SNX29: variants seen among roughly 807,000 people sequenced by gnomAD.
SNX29 encodes sorting nexin-29.
Under a neutral mutation model 102.1 loss-of-function variants are expected in SNX29, and 78 were observed. The ratio of observed to expected loss-of-function variants is 0.76; its 90% CI spans 0.64 to 0.92. The LOEUF is 0.92. Among genes scored for constraint, SNX29 ranks in the 40% least tolerant of loss-of-function variants. SNX29 has a pLI of 0.00. For synonymous variants in SNX29, 580 were observed against 414.5 expected (o/e 1.40, Z -4.85); for missense variants, 1,280 against 1,061.7 (o/e 1.21, Z -2.86).
intron 15 of SNX29, among the ~76,000 whole-genome samples, chr16:12,308,580 G>A (rs752763569): frequency 1.3e-5 from 2 of 152,088 alleles, no homozygotes; most frequent in African/African-American, 4.8e-5. Context: ...AGTGCCTTCC[G>A]TGTGCTAGTC....
chr16:12,423,053 C>T (rs2151594600), intron 18 of SNX29, among the ~76,000 whole-genome samples: 1 of 152,266 alleles, frequency 6.6e-6, no homozygotes, highest in South Asian at 2.1e-4. Flanking sequence ...ACACAAAAAC[C>T]CAGCCTCATA....
intron 19 of SNX29, among the ~76,000 whole-genome samples, chr16:12,508,106 AC>A (rs2089457437): frequency 1.3e-5 from 2 of 152,186 alleles, no homozygotes; most frequent in Admixed American, 1.3e-4. Context: ...AGGTACCGCT[AC>A]CTTCTTGGGA....
chr16:12,425,467 A>G (rs1189860626), intron 18 of SNX29, among the ~76,000 whole-genome samples: 1 of 150,052 alleles, frequency 6.7e-6, no homozygotes, highest in Non-Finnish European at 1.5e-5. Context: ...CTGGCTGCAC[A>G]CGTAATTCCA....
At chr16:12,109,144 A>AAAAAAG (rs2053398580) in intron 11 of SNX29, among the ~76,000 whole-genome samples, 9 of 130,558 alleles carry the variant, frequency 6.9e-5, no homozygotes, top group Admixed American at 7.9e-5. Context: ...AAAAAAAAAA[A>AAAAAAG]AAAAAAAAAA....
chr16:12,046,302 G>A (rs2050087771), intron 5 of SNX29, 82 bp from the exon 6 acceptor site: 4 of 1,395,872 alleles, frequency 2.9e-6, no homozygotes, highest in Admixed American at 1.8e-5. Context: ...ATCTTCCAGG[G>A]AGCCGTCTAA....
chr16:12,423,532 G>A (rs2084946621), intron 18 of SNX29, among the ~76,000 whole-genome samples: 1 of 152,154 alleles, frequency 6.6e-6, no homozygotes, highest in Admixed American at 6.6e-5. Flanking sequence ...AACGAAGGCT[G>A]GGGTAACAGG....
At chr16:12,154,742 T>C (rs1449649052) in intron 13 of SNX29, among the ~76,000 whole-genome samples, 1 of 152,180 alleles carries the variant, frequency 6.6e-6, no homozygotes, top group East Asian at 1.9e-4. Flanking sequence ...CCAGCAGATG[T>C]GGTATCTGGG....
chr16:12,058,367 T>G (rs1410242827), intron 8 of SNX29, among the ~76,000 whole-genome samples: 2 of 151,944 alleles, frequency 1.3e-5, no homozygotes. Context: ...ACAGTTGTAA[T>G]AATGAGTGGT....
At chr16:12,371,887 A>G (rs1195335564) in intron 16 of SNX29, among the ~76,000 whole-genome samples, 2 of 152,036 alleles carry the variant, frequency 1.3e-5, no homozygotes, top group African/African-American at 2.4e-5. Context: ...CCTGTCCCTC[A>G]GCATTTGCTC....
In SNX29 at chr16:12,079,074, C is replaced by G. The variant is rs529187128; in HGVS notation, c.1402+159C>G. Among the ~76,000 whole-genome samples, 7 of 152,306 alleles carry G rather than the reference C, an allele frequency of 4.6e-5. No individual in the cohort carries two copies. In the East Asian group the frequency reaches 1.3e-3, roughly 29 times the overall value. ...AGGTGTGGTACGTGCTTGTGGATAT[C>G]CAGAACCGTGGTTAATGCGTGGCGC... On this transcript the variant is annotated intron_variant, in intron 11 of 20. Coordinates refer to ENST00000566228, the MANE Select transcript of SNX29 (RefSeq NM_032167.5).
chr16:12,572,978 GTGCATTAA>G lies in SNX29; in HGVS notation c.*4351_*4358del. 2.1e-6 allele frequency: 1 copy of G among 467,186 alleles called. No homozygotes were observed. Among genetic ancestry groups the G allele is most frequent in the Non-Finnish European group, 3.0e-6 (1 of 333,336 alleles). The allele number at this position is 467,186 out of a possible 1,614,324, so 28.9% of individuals were successfully genotyped here. A position where few individuals can be genotyped will look rare whatever the true frequency, so the allele number is the denominator to read the frequency against. ...AAGGTCAAAGATTTTTCAAAATATT[GTGCATTAA>G]TTCATTAAAGCTACTGTTAAATATT... On this transcript the variant is annotated 3_prime_UTR_variant, in exon 21 of 21. Coordinates refer to ENST00000566228, the MANE Select transcript of SNX29 (RefSeq NM_032167.5).
In SNX29 at chr16:12,477,827, A is replaced by C. The variant is rs768338353; in HGVS notation, c.2146A>C (p.Asn716His). Residue 716 changes from asparagine to histidine, a missense_variant, in exon 19 of 21, where the codon AAC becomes CAC. Physicochemically the swap from Asn to His is moderately conservative, Grantham distance 68. Coordinates refer to ENST00000566228, the MANE Select transcript of SNX29 (RefSeq NM_032167.5). ...QNKYPQVRAY[N>H]FPPKKAIGNK... is the part of the protein sequence containing the mutation. ...CAAGTACCCTCAAGTGAGGGCCTAC[A>C]ACTTCCCACCCAAAAAGGCCATTGG... 3 of 1,611,350 alleles carry C rather than the reference A, an allele frequency of 1.9e-6. No homozygotes were observed. In the Admixed American group the frequency reaches 5.1e-5, roughly 27 times the overall value.
chr16:12,288,535 A>T (rs1444272436), intron 15 of SNX29, among the ~76,000 whole-genome samples: 2 of 152,018 alleles, frequency 1.3e-5, no homozygotes, highest in African/African-American at 4.8e-5. Context: ...GTTTTCTTCT[A>T]CCTCCAGCTT....
intron 4 of SNX29, among the ~76,000 whole-genome samples, chr16:12,027,967 G>A (rs377402734): frequency 6.6e-6 from 1 of 152,178 alleles, no homozygotes; most frequent in Non-Finnish European, 1.5e-5. Flanking sequence ...CATTCAGTTC[G>A]ATAGCCCTGT....
chr16:12,403,252 GT>G (rs771674240), intron 17 of SNX29, among the ~76,000 whole-genome samples, 195 bp from the exon 18 acceptor site: 20,841 of 135,672 alleles, frequency 0.15, 1,635 homozygotes, highest in East Asian at 0.2. Context: ...GTGTGTGTGT[GT>G]GTAGAGAGAG....
chr16:12,554,059 C>G (rs532480491), intron 20 of SNX29, among the ~76,000 whole-genome samples: 2 of 152,210 alleles, frequency 1.3e-5, no homozygotes, highest in African/African-American at 2.4e-5. Flanking sequence ...ATCCTGACCT[C>G]AAATGATCCT....
chr16:12,259,529 G>A (rs1001808627), intron 14 of SNX29, among the ~76,000 whole-genome samples: 6 of 152,206 alleles, frequency 3.9e-5, no homozygotes, highest in African/African-American at 7.2e-5. Context: ...GAGCTGTGGC[G>A]CAGAGGACTG....
chr16:12,336,981 A>G (rs562245069), intron 15 of SNX29, among the ~76,000 whole-genome samples: 2 of 152,332 alleles, frequency 1.3e-5, no homozygotes, highest in Admixed American at 6.5e-5. Context: ...AGACACCACA[A>G]GAAGCCTTGG....
At chr16:12,170,215 G>T (rs1267762961) in intron 13 of SNX29, among the ~76,000 whole-genome samples, 1 of 152,122 alleles carries the variant, frequency 6.6e-6, no homozygotes, top group African/African-American at 2.4e-5. Context: ...GGTGGGGGCA[G>T]ATCCTGTGGC....
Sources: gnomAD v4.1 joint callset for allele counts (sites outside exome capture counted in the v4.1 genomes callset) on GRCh38, gnomAD v4.1.1 for gene constraint, MANE v1.5 for transcripts, NCBI Gene and HGNC (gene_info 2026-07-23, HGNC 2026-07-21) for gene names.